C8orf34: variants seen among roughly 807,000 people sequenced by gnomAD.
C8orf34 encodes uncharacterized protein C8orf34.
C8orf34 carries 65 observed loss-of-function variants against 68.3 expected under a neutral mutation model. The observed-to-expected ratio is 0.95, with a 90% CI of 0.78 to 1.17. C8orf34 has a LOEUF of 1.17. C8orf34 is among the 50% of genes most tolerant of loss of function. C8orf34 has a pLI of 0.00. For synonymous variants in C8orf34, 244 were observed against 241.2 expected, an observed-to-expected ratio of 1.01 and a Z score of -0.11; for missense variants, 664 against 655.4, an observed-to-expected ratio of 1.01 and a Z score of -0.14.
At chr8:68,685,878 G>GTAAA (rs57861421) in intron 8 of C8orf34, among the ~76,000 whole-genome samples, 476 of 139,212 alleles carry the variant, frequency 3.4e-3, no homozygotes, top group East Asian at 5.3e-3. Context: ...CCCTATCTCA[G>GTAAA]TAAATAAATA....
intron 7 of C8orf34, among the ~76,000 whole-genome samples, chr8:68,564,714 G>A (rs1301183540): frequency 3.9e-5 from 6 of 152,142 alleles, no homozygotes; most frequent in African/African-American, 1.4e-4. Flanking sequence ...GTCAGGTGAC[G>A]GGAAAGATAA....
intron 7 of C8orf34, among the ~76,000 whole-genome samples, chr8:68,544,029 G>A (rs760844954): frequency 1.1e-4 from 16 of 152,142 alleles, no homozygotes; most frequent in Non-Finnish European, 1.5e-4. Context: ...ATGAAGAGTG[G>A]TGATCCCACA....
chr8:68,786,219 G>A (rs1020701015), intron 11 of C8orf34, among the ~76,000 whole-genome samples: 10 of 152,006 alleles, frequency 6.6e-5, no homozygotes, highest in African/African-American at 1.4e-4. Flanking sequence ...TTCTTGAGTC[G>A]TGGCTCAATA....
chr8:68,711,928 G>A (rs1265659114), intron 9 of C8orf34, among the ~76,000 whole-genome samples: 1 of 152,172 alleles, frequency 6.6e-6, no homozygotes, highest in African/African-American at 2.4e-5. Context: ...CTTAAGAGCT[G>A]TGAGGCAAAA....
intron 12 of C8orf34, among the ~76,000 whole-genome samples, chr8:68,813,822 G>A (rs555186542): frequency 2.9e-4 from 44 of 152,128 alleles, no homozygotes; most frequent in African/African-American, 8.4e-4. Context: ...CCTCTCTACC[G>A]CAACTATTTT....
intron 10 of C8orf34, among the ~76,000 whole-genome samples, chr8:68,751,068 G>C (rs1822691389): frequency 6.6e-6 from 1 of 152,068 alleles, no homozygotes; most frequent in African/African-American, 2.4e-5. Flanking sequence ...CAAAAGAATA[G>C]CAAAACAAAG....
chr8:68,667,687 A>T (rs1819882254), intron 8 of C8orf34, among the ~76,000 whole-genome samples: 1 of 152,188 alleles, frequency 6.6e-6, no homozygotes, highest in African/African-American at 2.4e-5. Flanking sequence ...ATTTTAACTC[A>T]TTTTAGTTAT....
At chr8:68,475,661 C>T (rs34639193) in intron 4 of C8orf34, among the ~76,000 whole-genome samples, 91,676 of 152,080 alleles carry the variant, frequency 0.6, 28,282 homozygotes, top group East Asian at 0.88. Context: ...TAAGTAAGCA[C>T]GTAAACAAAT....
intron 1 of C8orf34, among the ~76,000 whole-genome samples, chr8:68,399,559 G>GT (rs2129621196): frequency 1.3e-5 from 2 of 152,186 alleles, no homozygotes; most frequent in South Asian, 4.1e-4. Context: ...TCAGTCATCT[G>GT]TTGATGGACA....
intron 1 of C8orf34, among the ~76,000 whole-genome samples, chr8:68,405,772 C>T (rs1274882073): frequency 6.6e-6 from 1 of 152,174 alleles, no homozygotes; most frequent in Admixed American, 6.5e-5. Flanking sequence ...TAATCTACCT[C>T]CCTCCCGTAA....
chr8:68,563,279 T>G (rs560476089), intron 7 of C8orf34, among the ~76,000 whole-genome samples: 2 of 152,314 alleles, frequency 1.3e-5, no homozygotes, highest in Non-Finnish European at 2.9e-5. Context: ...ATGAAGCGTG[T>G]CCTAGGGCCT....
intron 1 of C8orf34, among the ~76,000 whole-genome samples, chr8:68,407,941 T>C (rs1405275400): frequency 6.6e-6 from 1 of 152,172 alleles, no homozygotes; most frequent in Admixed American, 6.6e-5. Flanking sequence ...GGAACATTCA[T>C]TCCCATCCCA....
chr8:68,436,199 G>A (rs376871541), intron 1 of C8orf34, among the ~76,000 whole-genome samples: 1 of 152,142 alleles, frequency 6.6e-6, no homozygotes, highest in African/African-American at 2.4e-5. Context: ...GGGTGACAGA[G>A]TGAGACTCCC....
rs554607902 is a variant in C8orf34 at position 68,449,520 on chromosome 8, A to G, written c.607+3060A>G. ...CTGGATACTGGCATAACTTGGAGAT[A>G]TTGTGGGTTCAGTTCCAGGCCACTG... On this transcript the variant is annotated intron_variant, in intron 3 of 13. Coordinates refer to ENST00000518698, the MANE Select transcript of C8orf34 (RefSeq NM_052958.4). Among the ~76,000 whole-genome samples, 297 of 152,218 alleles carry G rather than the reference A, an allele frequency of 2.0e-3. 1 individual carries two copies. The highest frequency in any genetic ancestry group is 7.0e-3 in the African/African-American group (290 of 41,558).
intron 1 of C8orf34, among the ~76,000 whole-genome samples, chr8:68,432,466 A>G (rs1436460996): frequency 6.6e-6 from 1 of 151,942 alleles, no homozygotes; most frequent in African/African-American, 2.4e-5. Context: ...GCACACCACC[A>G]TGGCCAGCTA....
chr8:68,714,340 ACT>A (rs1423225653), intron 9 of C8orf34, among the ~76,000 whole-genome samples: 1 of 152,126 alleles, frequency 6.6e-6, no homozygotes, highest in Admixed American at 6.5e-5. Context: ...TCAAACTGTC[ACT>A]GTTTGCTGAT....
intron 13 of C8orf34, among the ~76,000 whole-genome samples, chr8:68,816,354 G>A (rs1167278976): frequency 6.6e-6 from 1 of 152,054 alleles, no homozygotes; most frequent in South Asian, 2.1e-4. Flanking sequence ...GCAGTTATAG[G>A]ATCTCAGAAC....
intron 10 of C8orf34, among the ~76,000 whole-genome samples, chr8:68,765,968 A>G (rs1823160593): frequency 6.6e-6 from 1 of 152,238 alleles, no homozygotes; most frequent in South Asian, 2.1e-4. Context: ...TGTGTATTAA[A>G]TAATGCAAAG....
intron 7 of C8orf34, among the ~76,000 whole-genome samples, chr8:68,558,863 AAAG>A (rs1257431164): frequency 6.6e-6 from 1 of 152,204 alleles, no homozygotes; most frequent in Non-Finnish European, 1.5e-5. Flanking sequence ...GACAAGAAAC[AAAG>A]AAGAAAAAAA....
Sources: allele counts gnomAD v4.1 joint callset (sites outside exome capture counted in the v4.1 genomes callset), GRCh38; gene constraint gnomAD v4.1.1; transcripts MANE v1.5; gene names NCBI Gene and HGNC (gene_info 2026-07-23, HGNC 2026-07-21).